Variants in ST8SIA5 observed in about 807,000 individuals in gnomAD.
ST8SIA5 encodes ST8 alpha-N-acetyl-neuraminide alpha-2,8-sialyltransferase 5.
Under a neutral mutation model 40.2 loss-of-function variants are expected in ST8SIA5, and 24 were observed. The observed-to-expected ratio is 0.60, with a 90% CI of 0.43 to 0.84. The LOEUF (loss-of-function observed/expected upper bound fraction) is 0.84, where lower values mean the gene tolerates loss of function less well. Ranked by LOEUF, ST8SIA5 falls within the 40% of genes least tolerant of loss-of-function variation. ST8SIA5 has a pLI of 0.00. For synonymous variants in ST8SIA5, 198 were observed against 201.8 expected (o/e 0.98, Z 0.16); for missense variants, 465 against 498.5 (o/e 0.93, Z 0.64).
At chr18:46,748,752 T>TA (rs1434271757) in intron 1 of ST8SIA5, among the ~76,000 whole-genome samples, 1 of 151,782 alleles carries the variant, frequency 6.6e-6, no homozygotes, top group Non-Finnish European at 1.5e-5. Context: ...ATAAAAGTGT[T>TA]ATCAAGGATG....
chr18:46,736,760 C>A (rs1373917842), intron 1 of ST8SIA5, among the ~76,000 whole-genome samples: 2 of 152,078 alleles, frequency 1.3e-5, no homozygotes, highest in Non-Finnish European at 2.9e-5. Context: ...AGATGGAATA[C>A]CAGGCTGGAG....
At chr18:46,752,123 C>A (rs2040201501) in intron 1 of ST8SIA5, among the ~76,000 whole-genome samples, 1 of 152,194 alleles carries the variant, frequency 6.6e-6, no homozygotes, top group Non-Finnish European at 1.5e-5. Flanking sequence ...ACTTGTCAAT[C>A]CTTGCTCAAA....
chr18:46,745,120 T>C (rs1354202324), intron 1 of ST8SIA5, among the ~76,000 whole-genome samples: 2 of 151,940 alleles, frequency 1.3e-5, no homozygotes, highest in African/African-American at 4.8e-5. Flanking sequence ...GCAGGAAAGA[T>C]CTAAAATTGA....
intron 1 of ST8SIA5, among the ~76,000 whole-genome samples, chr18:46,736,452 C>G (rs1007474303): frequency 6.6e-6 from 1 of 152,194 alleles, no homozygotes; most frequent in African/African-American, 2.4e-5. Context: ...GATATTGGCT[C>G]TGCAGGCACT....
At chr18:46,735,142 T>C (rs558771489) in intron 1 of ST8SIA5, among the ~76,000 whole-genome samples, 1 of 152,278 alleles carries the variant, frequency 6.6e-6, no homozygotes, top group Non-Finnish European at 1.5e-5. Flanking sequence ...TTTTGGACTC[T>C]TGGACTTAAC....
rs1417303027 is a variant in ST8SIA5 at position 46,668,882 on chromosome 18, C to A, written c.*11160G>T. ...AGTACAGGACGATGGGCTCGGGAGT[C>A]CGGGGTAGTCTGGCAGGAGCTGCCA... On this transcript the variant is annotated 3_prime_UTR_variant, in exon 7 of 7. Transcript: ENST00000315087. 6.6e-6 allele frequency: 1 copy of A among 152,326 alleles called. No homozygotes were observed. Among genetic ancestry groups the A allele is most frequent in the Non-Finnish European group, 1.5e-5 (1 of 68,124 alleles). 9.4% of individuals were successfully genotyped at this position (152,326 alleles called of 1,614,324 possible).
rs1293124148 is a variant in ST8SIA5 at position 46,673,747 on chromosome 18, C to A, written c.*6295G>T. Reference sequence around the variant, plus strand: ...CACACTGTAGATCTATCCAGTCTACCCTTTGAAGATCACACTGGTTTATTA... The same window carrying A: ...CACACTGTAGATCTATCCAGTCTACACTTTGAAGATCACACTGGTTTATTA... On this transcript the variant is annotated 3_prime_UTR_variant, in exon 7 of 7. Coordinates refer to ENST00000315087, the MANE Select transcript of ST8SIA5 (RefSeq NM_013305.6). 1 of 152,008 alleles carries A rather than the reference C, an allele frequency of 6.6e-6. No individual in the cohort carries two copies. The highest frequency in any genetic ancestry group is 1.5e-5 in the Non-Finnish European group (1 of 68,044). 9.4% of individuals were successfully genotyped at this position (152,008 alleles called of 1,614,324 possible). A position where few individuals can be genotyped will look rare whatever the true frequency, so the allele number is the denominator to read the frequency against.
In ST8SIA5 at chr18:46,679,962, C is replaced by A; in HGVS notation, c.*80G>T. 1 of 1,402,382 alleles carries A rather than the reference C, an allele frequency of 7.1e-7. No individual in the cohort carries two copies. The highest frequency in any genetic ancestry group is 2.2e-5 in the Admixed American group (1 of 45,430). 86.9% of individuals were successfully genotyped at this position (1,402,382 alleles called of 1,614,324 possible). A position where few individuals can be genotyped will look rare whatever the true frequency, so the allele number is the denominator to read the frequency against. ...CCTGAACGCCAGGACCCCACGCTGC[C>A]CGGTTCGGGGCTCCCAGTTCCACCA... On this transcript the variant is annotated 3_prime_UTR_variant, in exon 7 of 7. Transcript: ENST00000315087.
At position 46,710,363 on chromosome 18, in the gene ST8SIA5, TTTTCTTTCTTTCTTTCTTTCTTTC is replaced by T. The variant is rs71162817; in HGVS notation, c.132-5723_132-5700del. Among the ~76,000 whole-genome samples the T allele has an allele frequency of 3.3e-3, 382 of 114,486 alleles. 2 individuals are homozygous for T. Among genetic ancestry groups the T allele is most frequent in the African/African-American group, 0.011 (321 of 29,258 alleles). 75.1% of individuals were successfully genotyped at this position (114,486 alleles called of 152,430 possible). On this transcript the variant is annotated intron_variant, in intron 1 of 6. Coordinates refer to ENST00000315087, the MANE Select transcript of ST8SIA5 (RefSeq NM_013305.6). ...CTTCCTTTCCTTCTTTCCTTCTTTC[TTTTCTTTCTTTCTTTCTTTCTTTC>T]TTTCTTTCTTTCTTTCTTTCTTTCT...
intron 2 of ST8SIA5, among the ~76,000 whole-genome samples, chr18:46,699,130 G>A (rs967717830): frequency 1.3e-5 from 2 of 152,164 alleles, no homozygotes; most frequent in African/African-American, 2.4e-5. Context: ...AAAAGTCAAC[G>A]CATGGATGAC....
At chr18:46,748,551 C>T (rs1189327102) in intron 1 of ST8SIA5, among the ~76,000 whole-genome samples, 1 of 84,860 alleles carries the variant, frequency 1.2e-5, no homozygotes, top group Non-Finnish European at 2.3e-5. Context: ...GCAAAACTTC[C>T]TCTCAAAAAA....
chr18:46,729,540 G>T (rs1430963436), intron 1 of ST8SIA5, among the ~76,000 whole-genome samples: 1 of 152,138 alleles, frequency 6.6e-6, no homozygotes, highest in Non-Finnish European at 1.5e-5. Flanking sequence ...CCTGGGGCAG[G>T]CAAAGGGACT....
At chr18:46,731,167 G>A (rs2039981677) in intron 1 of ST8SIA5, among the ~76,000 whole-genome samples, 1 of 152,176 alleles carries the variant, frequency 6.6e-6, no homozygotes, top group Non-Finnish European at 1.5e-5. Context: ...TTCTGTCTTT[G>A]CAGTCTCTTA....
chr18:46,738,943 G>A (rs1009284442), intron 1 of ST8SIA5, among the ~76,000 whole-genome samples: 2 of 152,200 alleles, frequency 1.3e-5, no homozygotes, highest in African/African-American at 4.8e-5. Flanking sequence ...TGAAGGTGCA[G>A]GAGAGAGGAA....
chr18:46,747,374 GA>G (rs1310980524), intron 1 of ST8SIA5, among the ~76,000 whole-genome samples: 1 of 151,924 alleles, frequency 6.6e-6, no homozygotes, highest in African/African-American at 2.4e-5. Context: ...AAATTTACAA[GA>G]AAAAAACAAA....
At chr18:46,698,215 C>T (rs571442309) in intron 2 of ST8SIA5, among the ~76,000 whole-genome samples, 1 of 151,854 alleles carries the variant, frequency 6.6e-6, no homozygotes, top group South Asian at 2.1e-4. Context: ...ATCAAAACAA[C>T]AACCCAACAA....
chr18:46,680,006 G>C lies in ST8SIA5; in HGVS notation c.*36C>G. 6.4e-7 allele frequency: 1 copy of C among 1,568,188 alleles called. No individual in the cohort carries two copies. Among genetic ancestry groups the C allele is most frequent in the Non-Finnish European group, 8.6e-7 (1 of 1,156,158 alleles). ...TCCACCAGGAGGGACAGCAGGAGAGGGGGCGCCGCTTGCCGGGCAGCCTGG... is the reference window on the plus strand; with the variant it reads ...TCCACCAGGAGGGACAGCAGGAGAGCGGGCGCCGCTTGCCGGGCAGCCTGG... On this transcript the variant is annotated 3_prime_UTR_variant, in exon 7 of 7. Transcript: ENST00000315087.
At chr18:46,681,415 C>T (rs1165537035) in intron 6 of ST8SIA5, among the ~76,000 whole-genome samples, 2 of 152,232 alleles carry the variant, frequency 1.3e-5, no homozygotes, top group African/African-American at 4.8e-5. Flanking sequence ...CTGTCCCCTC[C>T]TCTTACATGT....
chr18:46,739,264 G>T (rs116141212), intron 1 of ST8SIA5, among the ~76,000 whole-genome samples: 2 of 152,152 alleles, frequency 1.3e-5, no homozygotes, highest in Non-Finnish European at 2.9e-5. Context: ...TTCACTGGCC[G>T]GGTGTGGTGG....
Sources: gnomAD v4.1 joint callset for allele counts (sites outside exome capture counted in the v4.1 genomes callset) on GRCh38, gnomAD v4.1.1 for gene constraint, MANE v1.5 for transcripts, NCBI Gene and HGNC (gene_info 2026-07-23, HGNC 2026-07-21) for gene names.